The following CSNK2A2IP variants were observed in gnomAD, a reference collection of about 807,000 sequenced individuals.
CSNK2A2IP encodes casein kinase 2 subunit alpha' interacting protein, also known as casein kinase II subunit alpha'-interacting protein.
chr3:88,353,301 TA>T, the CSNK2A2IP span, among the ~76,000 whole-genome samples: 1 of 152,216 alleles, frequency 6.6e-6, no homozygotes, highest in Admixed American at 6.5e-5. Flanking sequence ...GAAATGAATA[TA>T]AAAAACCAAA....
the CSNK2A2IP span, among the ~76,000 whole-genome samples, chr3:88,430,974 A>G: frequency 6.6e-6 from 1 of 152,190 alleles, no homozygotes; most frequent in Non-Finnish European, 1.5e-5. Context: ...TCAAATTAGC[A>G]ATACTAAATG....
the CSNK2A2IP span, among the ~76,000 whole-genome samples, chr3:88,341,558 C>A: frequency 2.0e-5 from 3 of 151,630 alleles, no homozygotes; most frequent in Admixed American, 6.6e-5. Flanking sequence ...AAACAGTAAA[C>A]ATTTCTTGAT....
chr3:88,339,527 T>C, the CSNK2A2IP span, among the ~76,000 whole-genome samples: 4 of 152,042 alleles, frequency 2.6e-5, no homozygotes, highest in African/African-American at 9.7e-5. Context: ...ACCTCTTTGA[T>C]ATGTTGATTT....
At chr3:88,407,951 T>C in the CSNK2A2IP span, among the ~76,000 whole-genome samples, 2 of 151,958 alleles carry the variant, frequency 1.3e-5, no homozygotes, top group East Asian at 3.9e-4. Flanking sequence ...TTGAACTCCT[T>C]AGCTCAGGTG....
At chr3:88,353,052 A>C in the CSNK2A2IP span, among the ~76,000 whole-genome samples, 4 of 152,120 alleles carry the variant, frequency 2.6e-5, no homozygotes, top group Non-Finnish European at 4.4e-5. Context: ...AAATAAGGGC[A>C]AACTCTCTTG....
the CSNK2A2IP span, chr3:88,467,350 C>T: frequency 9.4e-4 from 374 of 397,738 alleles, 4 homozygotes; most frequent in East Asian, 0.013. Flanking sequence ...CACTCTCTCA[C>T]GTCCTGTATT....
At chr3:88,434,715 T>G in the CSNK2A2IP span, among the ~76,000 whole-genome samples, 1 of 152,086 alleles carries the variant, frequency 6.6e-6, no homozygotes, top group Non-Finnish European at 1.5e-5. Flanking sequence ...TATTTCAAGG[T>G]AGAGTCAGGA....
the CSNK2A2IP span, among the ~76,000 whole-genome samples, chr3:88,392,464 G>C: frequency 6.6e-6 from 1 of 152,070 alleles, no homozygotes; most frequent in South Asian, 2.1e-4. Context: ...GGAAAAGAAA[G>C]AACAAGCAAA....
chr3:88,375,956 C>T, the CSNK2A2IP span, among the ~76,000 whole-genome samples: 13 of 151,492 alleles, frequency 8.6e-5, no homozygotes, highest in African/African-American at 1.7e-4. Context: ...GAGTTCCTTC[C>T]GCTGACCTCC....
At chr3:88,344,591 G>A in the CSNK2A2IP span, among the ~76,000 whole-genome samples, 1 of 151,862 alleles carries the variant, frequency 6.6e-6, no homozygotes, top group East Asian at 1.9e-4. Context: ...TTCTTGATAT[G>A]CAACTTTTAA....
the CSNK2A2IP span, among the ~76,000 whole-genome samples, chr3:88,366,658 T>A: frequency 6.6e-6 from 1 of 151,762 alleles, no homozygotes; most frequent in African/African-American, 2.4e-5. Context: ...AAACAGGTAG[T>A]GGTTATATTG....
the CSNK2A2IP span, among the ~76,000 whole-genome samples, chr3:88,440,725 G>A: frequency 6.6e-6 from 1 of 151,990 alleles, no homozygotes; most frequent in Non-Finnish European, 1.5e-5. Flanking sequence ...GACTTTTGAG[G>A]TGTGTGGTCT....
the CSNK2A2IP span, among the ~76,000 whole-genome samples, chr3:88,373,749 A>T: frequency 1.3e-5 from 2 of 151,360 alleles, no homozygotes; most frequent in Non-Finnish European, 1.5e-5. Context: ...ATAACTTGAC[A>T]GAGCAAGCAA....
At chr3:88,351,735 A>G in the CSNK2A2IP span, among the ~76,000 whole-genome samples, 1 of 152,170 alleles carries the variant, frequency 6.6e-6, no homozygotes, top group Non-Finnish European at 1.5e-5. Flanking sequence ...TCCTATGAGA[A>G]AGCCAATTTA....
chr3:88,403,450 T>C, the CSNK2A2IP span, among the ~76,000 whole-genome samples: 2 of 152,236 alleles, frequency 1.3e-5, no homozygotes, highest in African/African-American at 4.8e-5. Context: ...ATCTTACTCA[T>C]TGATACCAAG....
At chr3:88,373,282 A>G in the CSNK2A2IP span, among the ~76,000 whole-genome samples, 15 of 151,460 alleles carry the variant, frequency 9.9e-5, no homozygotes, top group African/African-American at 3.1e-4. Context: ...CCAAAAGTAT[A>G]TTATCTGACC....
the CSNK2A2IP span, among the ~76,000 whole-genome samples, chr3:88,400,732 G>C: frequency 4.7e-4 from 71 of 152,222 alleles, 1 homozygote; most frequent in Non-Finnish European, 9.3e-4. Flanking sequence ...CTAAATACAC[G>C]TTGATTTTAG....
the CSNK2A2IP span, among the ~76,000 whole-genome samples, chr3:88,383,604 A>C: frequency 6.7e-6 from 1 of 149,362 alleles, no homozygotes; most frequent in South Asian, 2.1e-4. Context: ...GATCCTGGGA[A>C]TTATTCATCA....
At chr3:88,436,849 C>T in the CSNK2A2IP span, among the ~76,000 whole-genome samples, 1 of 152,028 alleles carries the variant, frequency 6.6e-6, no homozygotes, top group African/African-American at 2.4e-5. Flanking sequence ...AACTGAAAAT[C>T]TTGATCAGCT....
Sources: gnomAD v4.1 joint callset for allele counts (sites outside exome capture counted in the v4.1 genomes callset) on GRCh38, gnomAD v4.1.1 for gene constraint, MANE v1.5 for transcripts, NCBI Gene and HGNC (gene_info 2026-07-23, HGNC 2026-07-21) for gene names.